Variants in ZFAT observed in about 807,000 individuals in gnomAD.
The protein encoded by ZFAT is zinc finger protein ZFAT.
In ZFAT, 64 loss-of-function variants were observed where a neutral mutation model predicts 117.7. The ratio of observed to expected loss-of-function variants is 0.54; its 90% CI spans 0.44 to 0.67. The LOEUF is 0.67. Among genes scored for constraint, ZFAT ranks in the 30% least tolerant of loss-of-function variants. The pLI is 0.00. For synonymous variants in ZFAT, 679 were observed against 615.0 expected, an observed-to-expected ratio of 1.10 and a Z score of -1.54; for missense variants, 1,433 against 1,584.5, an observed-to-expected ratio of 0.90 and a Z score of 1.62.
chr8:134,791,567 T>TA, the ZFAT span, among the ~76,000 whole-genome samples: 544 of 152,330 alleles, frequency 3.6e-3, 3 homozygotes, highest in African/African-American at 0.012. Flanking sequence ...GACATCTCTG[T>TA]AAGTTTAGAG....
At chr8:134,621,166 C>T (rs974052851) in intron 3 of ZFAT, among the ~76,000 whole-genome samples, 8 of 149,838 alleles carry the variant, frequency 5.3e-5, no homozygotes, top group Non-Finnish European at 3.0e-5. Flanking sequence ...CACTAGATGA[C>T]ATCAAACCCC....
intron 11 of ZFAT, among the ~76,000 whole-genome samples, chr8:134,539,921 C>A (rs1479876381): frequency 2.0e-5 from 3 of 152,190 alleles, no homozygotes. Flanking sequence ...CAAGTCATTA[C>A]AACTCCACTG....
At chr8:134,769,830 A>G in the ZFAT span, among the ~76,000 whole-genome samples, 3 of 152,210 alleles carry the variant, frequency 2.0e-5, no homozygotes, top group Non-Finnish European at 2.9e-5. Flanking sequence ...CCAAACTTCA[A>G]TTCTTGACTT....
intron 7 of ZFAT, among the ~76,000 whole-genome samples, chr8:134,594,097 T>G (rs765074063): frequency 6.6e-6 from 1 of 152,246 alleles, no homozygotes; most frequent in Non-Finnish European, 1.5e-5. Context: ...TTTTGCCATG[T>G]GATGCCCTTT....
At chr8:134,782,056 A>T in the ZFAT span, among the ~76,000 whole-genome samples, 204 of 152,324 alleles carry the variant, frequency 1.3e-3, no homozygotes, top group African/African-American at 4.7e-3. Flanking sequence ...TTGGTACTCC[A>T]ACTCCAATGG....
chr8:134,600,881 G>T (rs146448665), intron 6 of ZFAT, among the ~76,000 whole-genome samples: 1 of 152,118 alleles, frequency 6.6e-6, no homozygotes, highest in Admixed American at 6.5e-5. Context: ...TTTGCATGAT[G>T]TTAGGGCCCA....
At chr8:134,773,439 A>G in the ZFAT span, among the ~76,000 whole-genome samples, 107 of 152,346 alleles carry the variant, frequency 7.0e-4, no homozygotes, top group African/African-American at 2.5e-3. Flanking sequence ...GAGTGTTTTC[A>G]TGCTTGCTAA....
intron 14 of ZFAT, chr8:134,509,953 C>T: frequency 1.6e-6 from 1 of 611,616 alleles, no homozygotes; most frequent in Non-Finnish European, 2.8e-6. Context: ...CATCTCAAAA[C>T]CCCAAGCAAC....
At chr8:134,541,759 A>G (rs768262612) in intron 11 of ZFAT, among the ~76,000 whole-genome samples, 29 of 152,226 alleles carry the variant, frequency 1.9e-4, no homozygotes, top group Non-Finnish European at 1.0e-4. Context: ...TAGGCAAAAT[A>G]TGTCATCAAC....
intron 2 of ZFAT, among the ~76,000 whole-genome samples, chr8:134,640,844 C>T (rs953295856): frequency 6.6e-6 from 1 of 152,208 alleles, no homozygotes; most frequent in Non-Finnish European, 1.5e-5. Flanking sequence ...CAACTACTCG[C>T]ATTTTATGGC....
At chr8:134,608,671 T>C (rs1229956592) in intron 5 of ZFAT, 58 bp downstream of exon 5, 3 of 1,583,286 alleles carry the variant, frequency 1.9e-6, no homozygotes, top group Non-Finnish European at 2.6e-6. Context: ...TCCTGCACTC[T>C]GTGGAGTTCA....
chr8:134,480,229 C>T (rs1238180855), intron 15 of ZFAT, among the ~76,000 whole-genome samples: 13 of 152,140 alleles, frequency 8.5e-5, no homozygotes, highest in Non-Finnish European at 1.5e-4. Context: ...CCCAAAGTGC[C>T]GGGATTACAG....
intron 3 of ZFAT, among the ~76,000 whole-genome samples, chr8:134,634,592 C>A (rs1187942991): frequency 6.6e-6 from 1 of 152,016 alleles, no homozygotes; most frequent in African/African-American, 2.4e-5. Context: ...CATATTGACA[C>A]ACACACACAC....
intron 11 of ZFAT, among the ~76,000 whole-genome samples, chr8:134,552,930 T>A (rs1051904015): frequency 1.3e-5 from 2 of 152,228 alleles, no homozygotes; most frequent in Non-Finnish European, 2.9e-5. Flanking sequence ...GGAAAAGCTC[T>A]TGGTGCACTT....
the ZFAT span, among the ~76,000 whole-genome samples, chr8:134,776,706 G>T: frequency 1.3e-5 from 2 of 152,158 alleles, no homozygotes; most frequent in Non-Finnish European, 2.9e-5. Context: ...CCTTTTAGTG[G>T]GAAGATTTCT....
At chr8:134,628,586 C>T (rs1252304300) in intron 3 of ZFAT, among the ~76,000 whole-genome samples, 1 of 152,120 alleles carries the variant, frequency 6.6e-6, no homozygotes, top group African/African-American at 2.4e-5. Context: ...CACTGAAATT[C>T]GGGAATAAAA....
At chr8:134,595,434 G>A (rs1285384691) in intron 7 of ZFAT, among the ~76,000 whole-genome samples, 1 of 152,058 alleles carries the variant, frequency 6.6e-6, no homozygotes, top group African/African-American at 2.4e-5. Flanking sequence ...CAAAGAGGCA[G>A]AGGAAAGTAC....
the ZFAT span, chr8:134,767,328 G>A: frequency 6.6e-6 from 1 of 152,148 alleles, no homozygotes; most frequent in African/African-American, 2.4e-5. Context: ...GTCAATTTTT[G>A]CTTCATGGGT....
chr8:134,479,950 CTTTT>C (rs35032412), intron 15 of ZFAT, among the ~76,000 whole-genome samples: 2 of 123,308 alleles, frequency 1.6e-5, no homozygotes, highest in Non-Finnish European at 1.7e-5. Context: ...TTCAACCACA[CTTTT>C]TTTTTTTTTT....
Sources: allele counts gnomAD v4.1 joint callset (sites outside exome capture counted in the v4.1 genomes callset), GRCh38; gene constraint gnomAD v4.1.1; transcripts MANE v1.5; gene names NCBI Gene and HGNC (gene_info 2026-07-23, HGNC 2026-07-21).